Variants in KALRN observed in about 807,000 individuals in gnomAD.
KALRN encodes kalirin.
A neutral mutation model predicts 353.7 loss-of-function variants in KALRN; 70 were observed. The ratio of observed to expected loss-of-function variants is 0.20; its 90% CI spans 0.16 to 0.24. KALRN has a LOEUF of 0.24. Ranked by LOEUF, KALRN falls within the 10% of genes least tolerant of loss-of-function variation. KALRN has a pLI of 1.00. For synonymous variants in KALRN, 1,391 were observed against 1,434.8 expected, an observed-to-expected ratio of 0.97 and a Z score of 0.69; for missense variants, 2,791 against 3,756.7, an observed-to-expected ratio of 0.74 and a Z score of 6.72.
chr3:124,442,145 T>G (rs1395276048), intron 19 of KALRN, 86 bp downstream of exon 19: 1 of 666,406 alleles, frequency 1.5e-6, no homozygotes, highest in Non-Finnish European at 2.4e-6. Flanking sequence ...TCACACAATC[T>G]CAAATTTCCT....
intron 1 of KALRN, among the ~76,000 whole-genome samples, chr3:124,126,426 T>C (rs529858706): frequency 1.1e-4 from 17 of 152,308 alleles, no homozygotes; most frequent in African/African-American, 4.1e-4. Context: ...TTGAGGCTTC[T>C]TCCTGCTCCC....
Position 124,326,189 on chromosome 3 carries a change from G to A in KALRN, c.1284+18G>A, listed in dbSNP as rs775669469. Reference sequence around the variant, plus strand: ...CTGAGCAGGTAAGGTGCAGAAACCTGCAGCAGCTGCTGTTGGTAGGAAGGG... The same window carrying A: ...CTGAGCAGGTAAGGTGCAGAAACCTACAGCAGCTGCTGTTGGTAGGAAGGG... On this transcript the variant is annotated intron_variant, in intron 7 of 59. Transcript: ENST00000682506. 1.9e-6 allele frequency: 3 copies of A among 1,599,778 alleles called. No homozygotes were observed. The highest frequency in any genetic ancestry group is 4.5e-5 in the East Asian group (2 of 44,714).
chr3:124,663,918 T>G (rs1418924764), intron 45 of KALRN, among the ~76,000 whole-genome samples: 3 of 152,168 alleles, frequency 2.0e-5, no homozygotes, highest in African/African-American at 7.2e-5. Context: ...CCTTGCCCTT[T>G]CAGCCCATCC....
rs542768300 is a variant in KALRN at position 124,638,919 on chromosome 3, G to A, written c.5664+1616G>A. On this transcript the variant is annotated intron_variant, in intron 37 of 59. Coordinates refer to ENST00000682506, the MANE Select transcript of KALRN (RefSeq NM_001388419.1). ...GAATTTATAAACAAGTTACATGTTT[G>A]GGGGTACACGAGCAAAATTATTTTC... 3.3e-5 allele frequency among the ~76,000 whole-genome samples: 5 copies of A among 152,208 alleles called. No homozygotes were observed. In the South Asian group the frequency reaches 8.3e-4, roughly 25 times the overall value.
chr3:124,702,829 TGG>T (rs1456054416), intron 57 of KALRN, among the ~76,000 whole-genome samples: 1 of 152,198 alleles, frequency 6.6e-6, no homozygotes, highest in East Asian at 1.9e-4. Context: ...TGCAGTATTT[TGG>T]TTAGAGAACA....
In KALRN at chr3:124,286,082, C is replaced by CCTTTCTTCCTTTCTTT. The variant is rs2075817210; in HGVS notation, c.970-12702_970-12701insCCTTTCTTTCTTTCTT. 6.9e-5 allele frequency among the ~76,000 whole-genome samples: 7 copies of CCTTTCTTCCTTTCTTT among 102,156 alleles called. No individual in the cohort carries two copies. The Admixed American group carries it at 6.9e-4, about 10-fold the overall frequency. 67.0% of individuals were successfully genotyped at this position (102,156 alleles called of 152,430 possible). A position where few individuals can be genotyped will look rare whatever the true frequency, so the allele number is the denominator to read the frequency against. On this transcript the variant is annotated intron_variant, in intron 5 of 59. Coordinates refer to ENST00000682506, the MANE Select transcript of KALRN (RefSeq NM_001388419.1). ...TGCTGTTTTCTTTCTTTCTTTCCTTCCTTTCTTTCTTTCTTTCTTTCTTTC... is the reference window on the plus strand; with the variant it reads ...TGCTGTTTTCTTTCTTTCTTTCCTTCCTTTCTTCCTTTCTTTCTTTCTTTCTTTCTTTCTTTCTTTC...
intron 9 of KALRN, among the ~76,000 whole-genome samples, chr3:124,339,154 C>T (rs537003894): frequency 6.6e-6 from 1 of 152,300 alleles, no homozygotes; most frequent in South Asian, 2.1e-4. Context: ...CCTCCAGAAA[C>T]AGACAGCAAG....
At chr3:124,131,528 G>T (rs2065274934) in intron 1 of KALRN, among the ~76,000 whole-genome samples, 1 of 152,138 alleles carries the variant, frequency 6.6e-6, no homozygotes, top group Middle Eastern at 3.2e-3. Flanking sequence ...TGAAATTGAT[G>T]GCAGCTACTG....
intron 6 of KALRN, among the ~76,000 whole-genome samples, chr3:124,317,525 CG>C (rs564405838): frequency 6.4e-4 from 98 of 152,118 alleles, no homozygotes; most frequent in African/African-American, 2.3e-3. Context: ...AGTTCTTGTT[CG>C]GGGAAGCTCC....
At chr3:124,218,195 T>C (rs1230019392) in intron 1 of KALRN, among the ~76,000 whole-genome samples, 1 of 152,182 alleles carries the variant, frequency 6.6e-6, no homozygotes, top group Non-Finnish European at 1.5e-5. Context: ...CCAGAGTGCC[T>C]TCCATAATCA....
chr3:124,632,214 C>G (rs768714930), intron 34 of KALRN, among the ~76,000 whole-genome samples: 1 of 152,180 alleles, frequency 6.6e-6, no homozygotes, highest in Non-Finnish European at 1.5e-5. Context: ...ATCCATAGTA[C>G]CGGGAATGGT....
At position 124,666,302 on chromosome 3, in the gene KALRN, C is replaced by T. The variant is rs553233997; in HGVS notation, c.6346-147C>T. On this transcript the variant is annotated intron_variant, in intron 45 of 59. Transcript: ENST00000682506. The stretch of plus-strand genomic sequence containing the variant: ...TCGGCCCCTGGATGAGTGGGTGGGT[C>T]CTAATTCAGTCTCTTCCTAGAGCCC... 9 of 708,858 alleles carry T rather than the reference C, an allele frequency of 1.3e-5. No homozygotes were observed. The East Asian group carries it at 2.2e-4, about 17-fold the overall frequency. 43.9% of individuals were successfully genotyped at this position (708,858 alleles called of 1,614,324 possible).
rs900133380 is a variant in KALRN, at chr3:124,724,414, A to G, written c.*4944A>G. Reference sequence around the variant, plus strand: ...GTGGAGTCTGGGTTAGACAAATGCAATATGTGACCTTTCAGTGAATTTATT... The same window carrying G: ...GTGGAGTCTGGGTTAGACAAATGCAGTATGTGACCTTTCAGTGAATTTATT... On this transcript the variant is annotated 3_prime_UTR_variant, in exon 60 of 60. Transcript: ENST00000682506. 3.3e-5 allele frequency: 5 copies of G among 152,082 alleles called. No individual in the cohort carries two copies. The highest frequency in any genetic ancestry group is 7.4e-5 in the Non-Finnish European group (5 of 68,016). 9.4% of individuals were successfully genotyped at this position (152,082 alleles called of 1,614,324 possible).
chr3:124,143,039 A>G (rs1220757337), intron 1 of KALRN, among the ~76,000 whole-genome samples: 1 of 151,876 alleles, frequency 6.6e-6, no homozygotes, highest in African/African-American at 2.4e-5. Flanking sequence ...TACAGTTTCT[A>G]GTACTAGGCA....
At chr3:124,555,037 A>T (rs1237632416) in intron 33 of KALRN, among the ~76,000 whole-genome samples, 2 of 152,138 alleles carry the variant, frequency 1.3e-5, no homozygotes, top group African/African-American at 4.8e-5. Context: ...GAAAGTGCGC[A>T]TAGGATAGAA....
chr3:124,606,026 C>A (rs1451401523), intron 34 of KALRN, among the ~76,000 whole-genome samples: 1 of 147,192 alleles, frequency 6.8e-6, no homozygotes. Flanking sequence ...CCTCCTTTAT[C>A]ATTTCAGTCC....
chr3:124,163,956 G>A, intron 1 of KALRN: 1 of 985,428 alleles, frequency 1.0e-6, no homozygotes, highest in Non-Finnish European at 1.2e-6. Context: ...AGTCCAGCTT[G>A]AATCTAACCT....
At chr3:124,412,274 G>A (rs150920270) in intron 13 of KALRN, among the ~76,000 whole-genome samples, 1 of 152,238 alleles carries the variant, frequency 6.6e-6, no homozygotes, top group East Asian at 1.9e-4. Flanking sequence ...GGAAGGTTAT[G>A]CCATGTGGGA....
chr3:124,321,912 TAAC>T (rs2079381776), intron 6 of KALRN, among the ~76,000 whole-genome samples: 4 of 152,204 alleles, frequency 2.6e-5, no homozygotes, highest in African/African-American at 7.2e-5. Context: ...AATAATTTAA[TAAC>T]AACAGACTGC....
Sources: gnomAD v4.1 joint callset for allele counts (sites outside exome capture counted in the v4.1 genomes callset) on GRCh38, gnomAD v4.1.1 for gene constraint, MANE v1.5 for transcripts, NCBI Gene and HGNC (gene_info 2026-07-23, HGNC 2026-07-21) for gene names.